The following PARP4 variants were observed in gnomAD, a reference collection of about 807,000 sequenced individuals.
The protein encoded by PARP4 is protein mono-ADP-ribosyltransferase PARP4.
In PARP4, 120 loss-of-function variants were observed where a neutral mutation model predicts 187.7. That is an observed-to-expected ratio of 0.64 (90% confidence interval 0.55 to 0.74). PARP4 has a LOEUF of 0.74. Among genes scored for constraint, PARP4 ranks in the 30% least tolerant of loss-of-function variants. The pLI is 0.00. For synonymous variants in PARP4, 654 were observed against 740.9 expected, an observed-to-expected ratio of 0.88 and a Z score of 1.90; for missense variants, 1,836 against 2,070.5, an observed-to-expected ratio of 0.89 and a Z score of 2.20.
chr13:24,430,148 T>C (rs1399042969), intron 32 of PARP4, among the ~76,000 whole-genome samples: 1 of 152,174 alleles, frequency 6.6e-6, no homozygotes, highest in East Asian at 1.9e-4. Context: ...TCTTCTATTA[T>C]TCCAGGATCA....
At chr13:24,426,237 G>A (rs4769352) in intron 33 of PARP4, among the ~76,000 whole-genome samples, 64,984 of 151,672 alleles carry the variant, frequency 0.43, 14,642 homozygotes, top group African/African-American at 0.57. Context: ...CCTCCAGCGG[G>A]AGCTGCACTG....
At position 24,421,130 on chromosome 13, in the gene PARP4, T is replaced by G; in HGVS notation, c.5164A>C (p.Ser1722Arg). Residue 1722 changes from serine to arginine, a missense_variant, in exon 34 of 34, where the codon AGT becomes CGT. Coordinates refer to ENST00000381989, the MANE Select transcript of PARP4 (RefSeq NM_006437.4). ...VSPLHRVLHY[S>R]QG ...CAGTTTCATTTGACTTAGCCTTGAC[T>G]GTAATGGAGGACTCTATGAAGAGGG... 6.9e-7 allele frequency: 1 copy of G among 1,441,312 alleles called. No individual in the cohort carries two copies. Among genetic ancestry groups the G allele is most frequent in the Non-Finnish European group, 9.3e-7 (1 of 1,080,772 alleles). 89.3% of individuals were successfully genotyped at this position (1,441,312 alleles called of 1,614,324 possible). A position where few individuals can be genotyped will look rare whatever the true frequency, so the allele number is the denominator to read the frequency against.
intron 25 of PARP4, among the ~76,000 whole-genome samples, chr13:24,448,642 C>T (rs1593602358): frequency 1.3e-5 from 2 of 152,178 alleles, no homozygotes; most frequent in Non-Finnish European, 2.9e-5. Flanking sequence ...GAATTGAAAG[C>T]AGACTCAAAC....
chr13:24,466,286 A>C (rs959929774), intron 17 of PARP4, among the ~76,000 whole-genome samples: 1 of 152,046 alleles, frequency 6.6e-6, no homozygotes, highest in Non-Finnish European at 1.5e-5. Context: ...GGCTCAAGTG[A>C]TCCTCCCAAC....
intron 28 of PARP4, among the ~76,000 whole-genome samples, 200 bp from the exon 29 acceptor site, chr13:24,442,885 T>TGC (rs1871018118): frequency 8.0e-6 from 1 of 125,240 alleles, no homozygotes; most frequent in Non-Finnish European, 1.7e-5. Flanking sequence ...CTCCCTCTAG[T>TGC]TCAGAGAGCT....
chr13:24,456,403 C>A lies in PARP4; in HGVS notation c.2500G>T (p.Gly834Cys). 1 of 1,612,138 alleles carries A rather than the reference C, an allele frequency of 6.2e-7. No homozygotes were observed. Among genetic ancestry groups the A allele is most frequent in the Non-Finnish European group, 8.5e-7 (1 of 1,178,794 alleles). The change falls in exon 21 of 34, where the codon GGT becomes TGT. Residue 834 changes from glycine to cysteine, a missense_variant. By Grantham distance (159) the Gly-to-Cys change is radical. Around this residue, in one of 8 missense-constraint regions of PARP4, gnomAD observed 1,147 missense variants for 1,214.2 expected, o/e 0.94. Transcript: ENST00000381989. ...CTTGGGAGATAGGCAGCAGACAAAC[C>A]GATGTGGAGAGAAAATCCACTGCTG... ...LDSSGFSLHI[G>C]LSAAYLPRMW...
chr13:24,461,018 T>G (rs1463557319), intron 17 of PARP4, among the ~76,000 whole-genome samples: 1 of 152,152 alleles, frequency 6.6e-6, no homozygotes, highest in African/African-American at 2.4e-5. Flanking sequence ...TAAAGGGATG[T>G]TGATAATAGC....
chr13:24,467,868 G>C (rs895458928), intron 17 of PARP4, among the ~76,000 whole-genome samples: 8 of 152,146 alleles, frequency 5.3e-5, no homozygotes, highest in African/African-American at 1.9e-4. Flanking sequence ...CCTCTCAAAT[G>C]AACCCCAGGC....
At chr13:24,501,396 G>C (rs1172615906) in intron 3 of PARP4, among the ~76,000 whole-genome samples, 2 of 152,202 alleles carry the variant, frequency 1.3e-5, no homozygotes, top group Non-Finnish European at 1.5e-5. Context: ...TTTCTGAGAT[G>C]ATCAGTGTTT....
intron 1 of PARP4, among the ~76,000 whole-genome samples, chr13:24,506,208 A>G (rs1198572188): frequency 6.6e-6 from 1 of 152,158 alleles, no homozygotes; most frequent in African/African-American, 2.4e-5. Context: ...TGAGCGTTAC[A>G]GTTCTTTAAG....
At chr13:24,472,440 C>T (rs1872765864) in intron 15 of PARP4, among the ~76,000 whole-genome samples, 1 of 152,114 alleles carries the variant, frequency 6.6e-6, no homozygotes, top group African/African-American at 2.4e-5. Context: ...CCCAACGCCC[C>T]GTCTCCCCAG....
In PARP4 at chr13:24,438,910, T is replaced by G. The variant is rs537680253; in HGVS notation, c.3666+2936A>C. On this transcript the variant is annotated intron_variant, in intron 30 of 33. Transcript: ENST00000381989. ...TGTAGAATGCGGCAGGTGCCACATT[T>G]TGGTAAAACAGATATCGAGGAAGAG... Among the ~76,000 whole-genome samples the G allele has an allele frequency of 2.0e-5, 3 of 152,230 alleles. No homozygotes were observed. The East Asian group carries it at 5.8e-4, about 29-fold the overall frequency.
At chr13:24,481,300 G>C (rs1201886530) in intron 12 of PARP4, among the ~76,000 whole-genome samples, 2 of 152,232 alleles carry the variant, frequency 1.3e-5, no homozygotes, top group Admixed American at 6.5e-5. Context: ...CTGATGGAGA[G>C]GTACAAGGAA....
At chr13:24,448,752 G>T (rs1171628021) in intron 25 of PARP4, among the ~76,000 whole-genome samples, 1 of 152,140 alleles carries the variant, frequency 6.6e-6, no homozygotes, top group African/African-American at 2.4e-5. Context: ...TAAGCAAAAC[G>T]TGGTCCATCC....
At chr13:24,446,557 T>C (rs1350979512) in intron 27 of PARP4, 124 bp downstream of exon 27, 3 of 665,802 alleles carry the variant, frequency 4.5e-6, no homozygotes, top group Non-Finnish European at 7.9e-6. Context: ...CGAATTTGTA[T>C]TGGGCTGCAT....
intron 18 of PARP4, 48 bp from the exon 19 acceptor site, chr13:24,459,358 C>T (rs761307833): frequency 1.4e-5 from 20 of 1,450,836 alleles, no homozygotes; most frequent in Non-Finnish European, 1.8e-5. Flanking sequence ...TATTAAGTTT[C>T]ACAATGAGAC....
At chr13:24,496,516 A>G (rs546893581) in intron 6 of PARP4, among the ~76,000 whole-genome samples, 37 of 152,262 alleles carry the variant, frequency 2.4e-4, no homozygotes, top group African/African-American at 8.7e-4. Context: ...ATGTCCCTTG[A>G]GGGCATCTGG....
chr13:24,460,217 C>T, intron 17 of PARP4, 81 bp from the exon 18 acceptor site: 3 of 1,200,748 alleles, frequency 2.5e-6, no homozygotes, highest in Non-Finnish European at 3.5e-6. Flanking sequence ...ACTTCTTAAG[C>T]AACTTGAATG....
rs1872120633 is a variant in PARP4, at chr13:24,459,994, T to G, written c.2276A>C (p.Lys759Thr). The G allele has an allele frequency of 1.2e-6, 2 of 1,613,938 alleles. No individual in the cohort carries two copies. Among genetic ancestry groups the G allele is most frequent in the South Asian group, 2.2e-5 (2 of 91,076 alleles). ...PATVAPWQQD[K>T]ALNENLQDTV... ...AACCTGAAGGTTTTCATTCAAAGCC[T>G]TGTCCTGTTGCCAGGGTGCTACGGT... Residue 759 changes from lysine (K) to threonine (T), a missense_variant, in exon 18 of 34, where the codon AAG becomes ACG. Physicochemically the swap from Lys to Thr is moderately conservative, Grantham distance 78. This residue lies in a region of PARP4 where 1,147 missense variants were observed against 1,214.2 expected (regional missense o/e 0.94). Transcript: ENST00000381989.
Sources: allele counts gnomAD v4.1 joint callset (sites outside exome capture counted in the v4.1 genomes callset), GRCh38; gene constraint gnomAD v4.1.1; regional missense constraint gnomAD v4.1.1; transcripts MANE v1.5; gene names NCBI Gene and HGNC (gene_info 2026-07-23, HGNC 2026-07-21).